The following ZBBX variants were observed in gnomAD, a reference collection of about 807,000 sequenced individuals.
ZBBX encodes zinc finger B-box domain containing.
In ZBBX, 101 loss-of-function variants were observed where a neutral mutation model predicts 108.5. The observed-to-expected ratio is 0.93, with a 90% confidence interval of 0.79 to 1.10. ZBBX has a LOEUF of 1.10. Among genes scored for constraint, ZBBX ranks in the 50% least tolerant of loss-of-function variants. The pLI, the probability that ZBBX is intolerant of heterozygous loss-of-function variation, is 0.00. For missense variants in ZBBX, 1,009 were observed against 941.4 expected, an observed-to-expected ratio of 1.07 and a Z score of -0.94; for synonymous variants, 356 against 323.4, an observed-to-expected ratio of 1.10 and a Z score of -1.08.
At position 167,350,496 on chromosome 3, in the gene ZBBX, TCTC is replaced by T. The variant is rs923707341; in HGVS notation, c.449_451del (p.Gly150del). Reference sequence around the variant, plus strand: ...AGCAAAGCATCCTGAACAATAATCTTCTCCACATTCAAGGCATACCTAAAAAGA... The same window carrying T: ...AGCAAAGCATCCTGAACAATAATCTTCACATTCAAGGCATACCTAAAAAGA... On this transcript the variant is annotated inframe_deletion, in exon 9 of 22. Coordinates refer to ENST00000675490, the MANE Select transcript of ZBBX (RefSeq NM_001199201.2). 2.5e-6 allele frequency: 4 copies of T among 1,588,184 alleles called. No homozygotes were observed. In the Admixed American group the frequency reaches 5.1e-5, roughly 20 times the overall value.
intron 9 of ZBBX, among the ~76,000 whole-genome samples, chr3:167,348,356 G>GAAAGAAAGAAAGAGAGAAAGAA (rs1741998735): frequency 8.7e-6 from 1 of 115,016 alleles, no homozygotes; most frequent in Non-Finnish European, 1.7e-5. Context: ...AAGAAAGAAA[G>GAAAGAAAGAAAGAGAGAAAGAA]AAAGAAAGAA....
intron 20 of ZBBX, among the ~76,000 whole-genome samples, chr3:167,248,933 A>G (rs1434216292): frequency 6.6e-6 from 1 of 152,232 alleles, no homozygotes; most frequent in East Asian, 1.9e-4. Flanking sequence ...GCTCAGGGAT[A>G]AGCAGTGGAG....
In ZBBX at chr3:167,251,390, A is replaced by G. The variant is rs116158571; in HGVS notation, c.2255-8747T>C. 6.1e-3 allele frequency among the ~76,000 whole-genome samples: 928 copies of G among 152,286 alleles called. 6 individuals are homozygous for G. The highest frequency in any genetic ancestry group is 0.022 in the African/African-American group (900 of 41,558). ...AAACTAAAACGGCATCCTGTAACAC[A>G]CACCCACTGGGGCCTTAGCATCTGT... On this transcript the variant is annotated intron_variant, in intron 20 of 21. Transcript: ENST00000675490.
rs148704400 is a variant in ZBBX, at chr3:167,261,298, T to C, written c.2255-18655A>G. Among the ~76,000 whole-genome samples, 543 of 152,232 alleles carry C rather than the reference T, an allele frequency of 3.6e-3. 3 individuals carry two copies. The highest frequency in any genetic ancestry group is 5.6e-3 in the Admixed American group (85 of 15,300). On this transcript the variant is annotated intron_variant, in intron 20 of 21. Coordinates refer to ENST00000675490, the MANE Select transcript of ZBBX (RefSeq NM_001199201.2). ...GTGGTTTAATGCTCTATTTTTGTAC[T>C]GGTTGGCCTCCTGCCAGGAGGTGGT...
chr3:167,300,321 A>ACCT (rs1333664896), intron 17 of ZBBX, among the ~76,000 whole-genome samples: 2 of 152,074 alleles, frequency 1.3e-5, no homozygotes, highest in African/African-American at 4.8e-5. Context: ...ACACTATTTT[A>ACCT]TTACTGTCCA....
At chr3:167,388,589 G>A (rs189850522) in intron 1 of ZBBX, among the ~76,000 whole-genome samples, 2 of 152,074 alleles carry the variant, frequency 1.3e-5, no homozygotes, top group African/African-American at 4.8e-5. Context: ...GACACGATCC[G>A]ACATAGCAAT....
the ZBBX span, among the ~76,000 whole-genome samples, chr3:167,210,898 C>T: frequency 0.013 from 2,037 of 152,198 alleles, 22 homozygotes; most frequent in South Asian, 0.026. Flanking sequence ...TCCAGCTCTG[C>T]CCTACAAGAA....
At chr3:167,213,995 C>T in the ZBBX span, among the ~76,000 whole-genome samples, 1 of 152,122 alleles carries the variant, frequency 6.6e-6, no homozygotes, top group African/African-American at 2.4e-5. Context: ...TGAGGGACTT[C>T]ATTACCAGAA....
chr3:167,271,050 T>C (rs1430940094), intron 20 of ZBBX, among the ~76,000 whole-genome samples: 1 of 152,112 alleles, frequency 6.6e-6, no homozygotes, highest in Non-Finnish European at 1.5e-5. Context: ...CTTGAAGAAA[T>C]AGAGTCAGGC....
At chr3:167,262,796 T>C (rs2108428753) in intron 20 of ZBBX, among the ~76,000 whole-genome samples, 1 of 152,322 alleles carries the variant, frequency 6.6e-6, no homozygotes, top group Non-Finnish European at 1.5e-5. Flanking sequence ...ATTTCTGAAG[T>C]ATCAGTTGTA....
intron 20 of ZBBX, among the ~76,000 whole-genome samples, chr3:167,257,219 C>T (rs1217818349): frequency 6.6e-6 from 1 of 152,024 alleles, no homozygotes; most frequent in Non-Finnish European, 1.5e-5. Flanking sequence ...AGATTGTTCA[C>T]TGTTGGCATA....
chr3:167,318,273 A>C (rs1735804219), intron 12 of ZBBX, among the ~76,000 whole-genome samples: 2 of 152,016 alleles, frequency 1.3e-5, no homozygotes, highest in African/African-American at 4.8e-5. Flanking sequence ...GCAAGTTCAT[A>C]AAGTCCCCAT....
At chr3:167,317,641 C>T in intron 12 of ZBBX, 44 bp from the exon 13 acceptor site, 1 of 1,314,528 alleles carries the variant, frequency 7.6e-7, no homozygotes, top group East Asian at 2.4e-5. Context: ...AAATATATTA[C>T]CTGAAACTTT....
intron 21 of ZBBX, among the ~76,000 whole-genome samples, chr3:167,241,134 A>T (rs1056971040): frequency 2.0e-5 from 3 of 152,148 alleles, no homozygotes; most frequent in Non-Finnish European, 4.4e-5. Context: ...CAAGAAATAC[A>T]GCCACAGTAG....
chr3:167,368,639 A>C, intron 4 of ZBBX, 65 bp from the exon 5 acceptor site: 1 of 1,389,130 alleles, frequency 7.2e-7, no homozygotes, highest in Non-Finnish European at 9.5e-7. Flanking sequence ...ATTTTATATA[A>C]TCTTTTCCTG....
upstream of ZBBX, among the ~76,000 whole-genome samples, chr3:167,381,723 T>C (rs138165191): frequency 3.6e-3 from 549 of 152,316 alleles, 8 homozygotes; most frequent in African/African-American, 0.012. Context: ...TCCACAAATA[T>C]TTATTGAAAG....
intron 1 of ZBBX, among the ~76,000 whole-genome samples, chr3:167,404,522 C>T (rs1748521948): frequency 9.0e-6 from 1 of 110,786 alleles, no homozygotes; most frequent in Non-Finnish European, 1.8e-5. Context: ...ACCCTAAATC[C>T]ACTCTTCACT....
the ZBBX span, among the ~76,000 whole-genome samples, chr3:167,227,979 C>T: frequency 6.6e-6 from 1 of 151,650 alleles, no homozygotes; most frequent in African/African-American, 2.4e-5. Context: ...CTTCCCTGAG[C>T]CCCAGTGCCA....
chr3:167,336,964 T>C (rs754642865), intron 9 of ZBBX, among the ~76,000 whole-genome samples: 5 of 152,142 alleles, frequency 3.3e-5, no homozygotes, highest in Non-Finnish European at 5.9e-5. Flanking sequence ...CTGCTGAAAA[T>C]AGGTCCTACT....
Sources: gnomAD v4.1 joint callset for allele counts (sites outside exome capture counted in the v4.1 genomes callset) on GRCh38, gnomAD v4.1.1 for gene constraint, MANE v1.5 for transcripts, NCBI Gene and HGNC (gene_info 2026-07-23, HGNC 2026-07-21) for gene names.